The following DRC11 variants were observed in gnomAD, a reference collection of about 807,000 sequenced individuals.
DRC11 encodes dynein regulatory complex subunit 11.
At chr2:236,473,483 A>G in the DRC11 span, among the ~76,000 whole-genome samples, 5 of 152,252 alleles carry the variant, frequency 3.3e-5, no homozygotes, top group Admixed American at 1.3e-4. This position sits in a 1 kb window ranked among gnomAD's most constrained non-coding sequence, Gnocchi z 4.8. Flanking sequence ...TTTAGGATTC[A>G]GTAGATGCGT....
At chr2:236,313,620 C>G in the DRC11 span, among the ~76,000 whole-genome samples, 9 of 152,166 alleles carry the variant, frequency 5.9e-5, no homozygotes, top group African/African-American at 2.2e-4. The surrounding 1 kb of genome is among the most constrained non-coding windows in gnomAD (Gnocchi z 4.5). Context: ...ATCCTCATAG[C>G]AACTTTATTT....
chr2:236,424,634 T>C, the DRC11 span, among the ~76,000 whole-genome samples: 4 of 152,280 alleles, frequency 2.6e-5, no homozygotes, highest in East Asian at 7.7e-4. Context: ...TCCATCACCT[T>C]ACATGCTTAG....
the DRC11 span, chr2:236,408,331 A>T: frequency 1.3e-6 from 1 of 772,244 alleles, no homozygotes; most frequent in African/African-American, 1.7e-5. This position sits in a 1 kb window ranked among gnomAD's most constrained non-coding sequence, Gnocchi z 5.5. Flanking sequence ...CACCTTGCGC[A>T]AGCCTCAGTG....
the DRC11 span, among the ~76,000 whole-genome samples, chr2:236,472,022 A>G: frequency 6.6e-6 from 1 of 152,226 alleles, no homozygotes; most frequent in Non-Finnish European, 1.5e-5. The surrounding 1 kb of genome is among the most constrained non-coding windows in gnomAD (Gnocchi z 4.6). Context: ...GCATCCCAAT[A>G]CAAAGAAAAA....
the DRC11 span, chr2:236,408,393 G>A: frequency 2.7e-6 from 2 of 745,494 alleles, no homozygotes; most frequent in African/African-American, 1.7e-5. This position sits in a 1 kb window ranked among gnomAD's most constrained non-coding sequence, Gnocchi z 5.5. Flanking sequence ...CCCCTTTGTA[G>A]TCTTTGCCCT....
At chr2:236,328,576 C>T in the DRC11 span, among the ~76,000 whole-genome samples, 1 of 152,096 alleles carries the variant, frequency 6.6e-6, no homozygotes, top group Non-Finnish European at 1.5e-5. The surrounding 1 kb of genome is among the most constrained non-coding windows in gnomAD (Gnocchi z 6.7). Context: ...TTATACACCC[C>T]TAGGCCACCC....
chr2:236,309,827 T>C, the DRC11 span, among the ~76,000 whole-genome samples: 6 of 152,166 alleles, frequency 3.9e-5, no homozygotes, highest in African/African-American at 1.4e-4. The surrounding 1 kb of genome is among the most constrained non-coding windows in gnomAD (Gnocchi z 5.7). Context: ...CTCATCCAGC[T>C]CTCACCGTGC....
chr2:236,426,313 C>T, the DRC11 span, among the ~76,000 whole-genome samples: 2,922 of 151,958 alleles, frequency 0.019, 137 homozygotes, highest in African/African-American at 0.066. This position sits in a 1 kb window ranked among gnomAD's most constrained non-coding sequence, Gnocchi z 4.1. Context: ...AATTCTTTCA[C>T]CAATGTTTTG....
At chr2:236,364,157 CT>C in the DRC11 span, among the ~76,000 whole-genome samples, 1 of 152,126 alleles carries the variant, frequency 6.6e-6, no homozygotes, top group African/African-American at 2.4e-5. Context: ...TCTGTGACAC[CT>C]TTAATTTGTA....
chr2:236,338,746 G>C, the DRC11 span, among the ~76,000 whole-genome samples: 1 of 152,154 alleles, frequency 6.6e-6, no homozygotes, highest in African/African-American at 2.4e-5. Context: ...TTTGGAAGCT[G>C]GACACAAGAC....
the DRC11 span, among the ~76,000 whole-genome samples, chr2:236,321,896 C>T: frequency 6.6e-6 from 1 of 152,158 alleles, no homozygotes; most frequent in African/African-American, 2.4e-5. Flanking sequence ...ACTCATACAA[C>T]GGGCCCCAGT....
the DRC11 span, among the ~76,000 whole-genome samples, chr2:236,453,731 C>T: frequency 6.6e-6 from 1 of 152,108 alleles, no homozygotes; most frequent in Non-Finnish European, 1.5e-5. This position sits in a 1 kb window ranked among gnomAD's most constrained non-coding sequence, Gnocchi z 4.9. Context: ...CCTCCACCTC[C>T]TGGGTTCAAG....
the DRC11 span, among the ~76,000 whole-genome samples, chr2:236,478,130 T>A: frequency 2.6e-5 from 4 of 152,108 alleles, no homozygotes; most frequent in Non-Finnish European, 5.9e-5. This position sits in a 1 kb window ranked among gnomAD's most constrained non-coding sequence, Gnocchi z 5.9. Flanking sequence ...TACCTTGAGA[T>A]GCACTATTAG....
At chr2:236,504,119 T>G in the DRC11 span, among the ~76,000 whole-genome samples, 1 of 151,682 alleles carries the variant, frequency 6.6e-6, no homozygotes, top group African/African-American at 2.4e-5. This position sits in a 1 kb window ranked among gnomAD's most constrained non-coding sequence, Gnocchi z 5.0. Flanking sequence ...CACTCCTCCC[T>G]GCCCTTGGCA....
At chr2:236,439,432 T>C in the DRC11 span, among the ~76,000 whole-genome samples, 1 of 152,226 alleles carries the variant, frequency 6.6e-6, no homozygotes, top group East Asian at 1.9e-4. Flanking sequence ...TTAATTGGAA[T>C]TGCATTAACT....
At chr2:236,406,616 C>T in the DRC11 span, among the ~76,000 whole-genome samples, 347 of 152,274 alleles carry the variant, frequency 2.3e-3, 3 homozygotes, top group Middle Eastern at 3.4e-3. The surrounding 1 kb of genome is among the most constrained non-coding windows in gnomAD (Gnocchi z 4.7). Flanking sequence ...TAATAATCCC[C>T]TTCTCTAGAT....
chr2:236,469,042 G>A, the DRC11 span, among the ~76,000 whole-genome samples: 94 of 152,226 alleles, frequency 6.2e-4, no homozygotes, highest in African/African-American at 2.2e-3. This position sits in a 1 kb window ranked among gnomAD's most constrained non-coding sequence, Gnocchi z 5.8. Context: ...AGCCCTATAC[G>A]AAGTGTCCAA....
chr2:236,468,471 T>C, the DRC11 span, among the ~76,000 whole-genome samples: 3 of 152,112 alleles, frequency 2.0e-5, no homozygotes, highest in South Asian at 6.2e-4. Flanking sequence ...GAATATGGAA[T>C]GAGAATTACA....
the DRC11 span, among the ~76,000 whole-genome samples, chr2:236,454,133 G>A: frequency 1.9e-4 from 29 of 152,096 alleles, no homozygotes; most frequent in Non-Finnish European, 3.5e-4. The surrounding 1 kb of genome is among the most constrained non-coding windows in gnomAD (Gnocchi z 5.3). Context: ...AGGGTATGCT[G>A]GACCCAAGGG....
Sources: gnomAD v4.1 joint callset for allele counts (sites outside exome capture counted in the v4.1 genomes callset) on GRCh38, gnomAD v4.1.1 for gene constraint, Gnocchi (gnomAD v3.1) non-coding constraint, MANE v1.5 for transcripts, NCBI Gene and HGNC (gene_info 2026-07-23, HGNC 2026-07-21) for gene names.